The following NRG3 variants were observed in gnomAD, a reference collection of about 807,000 sequenced individuals.
NRG3 encodes the protein pro-neuregulin-3, membrane-bound isoform.
In NRG3, 31 loss-of-function variants were observed where a neutral mutation model predicts 66.9. That is an observed-to-expected ratio of 0.46 (90% confidence interval 0.35 to 0.63). The LOEUF (loss-of-function observed/expected upper bound fraction) is 0.63, where lower values mean the gene tolerates loss of function less well. NRG3 is among the 20% of genes least tolerant of loss of function. NRG3 has a pLI of 0.00. For synonymous variants in NRG3, 393 were observed against 359.4 expected (o/e 1.09, Z -1.06); for missense variants, 910 against 878.9 (o/e 1.04, Z -0.45).
At chr10:81,931,133 G>A (rs1013534994) in intron 1 of NRG3, among the ~76,000 whole-genome samples, 1 of 152,194 alleles carries the variant, frequency 6.6e-6, no homozygotes, top group South Asian at 2.1e-4. Context: ...TTAAACATTG[G>A]CCCCATTATT....
chr10:82,155,773 G>A (rs2071140254), intron 1 of NRG3, among the ~76,000 whole-genome samples: 1 of 151,650 alleles, frequency 6.6e-6, no homozygotes, highest in African/African-American at 2.4e-5. Flanking sequence ...TTTAGTAGAT[G>A]TGTAAGCATA....
chr10:82,457,722 G>A (rs1384850307), intron 2 of NRG3, among the ~76,000 whole-genome samples: 3 of 152,216 alleles, frequency 2.0e-5, no homozygotes, highest in Admixed American at 6.5e-5. Context: ...CACACTGGGA[G>A]CACAGAAGAT....
At chr10:82,623,521 A>G (rs2247247) in intron 2 of NRG3, among the ~76,000 whole-genome samples, 30,244 of 152,016 alleles carry the variant, frequency 0.2, 3,547 homozygotes, top group African/African-American at 0.33. Context: ...TCTATGTGCC[A>G]GGCATTATGA....
chr10:81,985,463 C>A (rs913465180), intron 1 of NRG3, among the ~76,000 whole-genome samples: 1 of 152,210 alleles, frequency 6.6e-6, no homozygotes. Flanking sequence ...AATTTCAAAT[C>A]TGCAATCACT....
intron 4 of NRG3, among the ~76,000 whole-genome samples, chr10:82,904,856 A>T (rs773084975): frequency 5.3e-5 from 8 of 152,132 alleles, no homozygotes; most frequent in Non-Finnish European, 8.8e-5. Context: ...TCTGATACAT[A>T]CTTCCAGTCA....
At chr10:82,767,768 AG>A (rs2059570305) in intron 3 of NRG3, among the ~76,000 whole-genome samples, 1 of 152,016 alleles carries the variant, frequency 6.6e-6, no homozygotes, top group African/African-American at 2.4e-5. Flanking sequence ...TCCTTTCCTC[AG>A]GAATTTCCAT....
intron 1 of NRG3, among the ~76,000 whole-genome samples, chr10:81,951,832 C>T (rs1284932675): frequency 1.3e-5 from 2 of 152,166 alleles, no homozygotes; most frequent in East Asian, 3.9e-4. Flanking sequence ...CATATGTTTA[C>T]TGCGGCACTA....
intron 4 of NRG3, among the ~76,000 whole-genome samples, chr10:82,942,389 G>T (rs1019051565): frequency 6.6e-6 from 1 of 152,208 alleles, no homozygotes; most frequent in Non-Finnish European, 1.5e-5. Context: ...TTATACTGTT[G>T]CAGTTTCCAA....
intron 1 of NRG3, among the ~76,000 whole-genome samples, chr10:82,122,918 T>C (rs1193477186): frequency 6.6e-6 from 1 of 152,104 alleles, no homozygotes; most frequent in Non-Finnish European, 1.5e-5. Context: ...TTTCTGTCTC[T>C]TCCTCAATCC....
At chr10:82,395,611 A>G (rs2086664122) in intron 2 of NRG3, among the ~76,000 whole-genome samples, 1 of 152,094 alleles carries the variant, frequency 6.6e-6, no homozygotes, top group Admixed American at 6.6e-5. Context: ...CTATCTTATC[A>G]TCTACTCATC....
At chr10:82,786,805 C>A (rs1317655825) in intron 3 of NRG3, among the ~76,000 whole-genome samples, 2 of 152,236 alleles carry the variant, frequency 1.3e-5, no homozygotes, top group Admixed American at 1.3e-4. Flanking sequence ...TCTGCTTTCA[C>A]GAGTAGGTTA....
At chr10:82,819,476 C>G (rs540227819) in intron 3 of NRG3, among the ~76,000 whole-genome samples, 1 of 152,320 alleles carries the variant, frequency 6.6e-6, no homozygotes, top group South Asian at 2.1e-4. Flanking sequence ...AATTTCCCAG[C>G]AGTGTAACCT....
chr10:82,952,855 G>A (rs1037944101), intron 5 of NRG3, among the ~76,000 whole-genome samples: 2 of 151,844 alleles, frequency 1.3e-5, no homozygotes, highest in African/African-American at 2.4e-5. Flanking sequence ...TTCAGAATTA[G>A]TAACTATTAT....
intron 6 of NRG3, among the ~76,000 whole-genome samples, chr10:82,968,532 C>A (rs1851417085): frequency 1.3e-5 from 2 of 152,188 alleles, no homozygotes; most frequent in South Asian, 4.2e-4. Flanking sequence ...GAGGTTAATT[C>A]TGTTTATGAG....
intron 1 of NRG3, among the ~76,000 whole-genome samples, chr10:81,991,102 G>A (rs2060722053): frequency 6.6e-6 from 1 of 152,102 alleles, no homozygotes; most frequent in Non-Finnish European, 1.5e-5. Flanking sequence ...TGAAACCTAT[G>A]TCCATAGAAC....
intron 2 of NRG3, among the ~76,000 whole-genome samples, chr10:82,643,122 T>C (rs2050695442): frequency 6.6e-6 from 1 of 152,154 alleles, no homozygotes; most frequent in South Asian, 2.1e-4. Flanking sequence ...AAGTTTTCTT[T>C]GAAGACATGT....
intron 2 of NRG3, among the ~76,000 whole-genome samples, chr10:82,468,456 T>C (rs566056936): frequency 6.6e-6 from 1 of 152,216 alleles, no homozygotes; most frequent in Admixed American, 6.5e-5. Flanking sequence ...AGACCTTCAA[T>C]GTGACCCAGA....
intron 3 of NRG3, among the ~76,000 whole-genome samples, chr10:82,837,013 A>G (rs1430947269): frequency 6.6e-6 from 1 of 151,990 alleles, no homozygotes; most frequent in Non-Finnish European, 1.5e-5. Context: ...TGTCCTTGCG[A>G]TAGTTTGCTG....
At chr10:82,028,233 A>G (rs1187911581) in intron 1 of NRG3, among the ~76,000 whole-genome samples, 1 of 152,092 alleles carries the variant, frequency 6.6e-6, no homozygotes, top group Non-Finnish European at 1.5e-5. Context: ...TGCCTAGGAA[A>G]CACTGAATTT....
Sources: gnomAD v4.1 joint callset for allele counts (sites outside exome capture counted in the v4.1 genomes callset) on GRCh38, gnomAD v4.1.1 for gene constraint, MANE v1.5 for transcripts, NCBI Gene and HGNC (gene_info 2026-07-23, HGNC 2026-07-21) for gene names.